TEC: variants seen among roughly 807,000 people sequenced by gnomAD.
The protein encoded by TEC is tec protein tyrosine kinase.
A neutral mutation model predicts 93.0 loss-of-function variants in TEC; 72 were observed. That is an observed-to-expected ratio of 0.77 (90% confidence interval 0.64 to 0.94). TEC has a LOEUF of 0.94. TEC is among the 40% of genes least tolerant of loss of function. The probability of loss-of-function intolerance (pLI) is 0.00; values close to 1 mark genes in which losing one functional copy is unlikely to be tolerated. For missense variants in TEC, 630 were observed against 757.9 expected (o/e 0.83, Z 1.98); for synonymous variants, 249 against 247.7 (o/e 1.01, Z -0.05).
intron 2 of TEC, among the ~76,000 whole-genome samples, chr4:48,176,459 C>A (rs2661544): frequency 0.8 from 122,311 of 152,120 alleles, 49,252 homozygotes; most frequent in East Asian, 0.92. Context: ...CGTGGCTCAT[C>A]CCTGTAATCC....
chr4:48,235,224 C>A (rs1166448985), intron 1 of TEC, among the ~76,000 whole-genome samples: 2 of 152,220 alleles, frequency 1.3e-5, no homozygotes, highest in Non-Finnish European at 2.9e-5. Context: ...TGGGGATCTA[C>A]CTGCTCCCTT....
chr4:48,201,700 A>G (rs1294549730), intron 2 of TEC, among the ~76,000 whole-genome samples: 1 of 152,206 alleles, frequency 6.6e-6, no homozygotes, highest in Non-Finnish European at 1.5e-5. Flanking sequence ...GACAGCCAGA[A>G]GGAGGCTAAG....
intron 2 of TEC, among the ~76,000 whole-genome samples, chr4:48,201,115 G>A (rs548331793): frequency 2.0e-4 from 31 of 152,274 alleles, no homozygotes; most frequent in African/African-American, 7.5e-4. Context: ...GCAGGACTGA[G>A]ATATATTTAG....
chr4:48,209,372 G>T (rs1722818250), intron 2 of TEC, among the ~76,000 whole-genome samples: 1 of 152,140 alleles, frequency 6.6e-6, no homozygotes, highest in South Asian at 2.1e-4. Flanking sequence ...GGAGGCTGAG[G>T]TGGGAGGACT....
chr4:48,212,151 A>G (rs74369315), intron 2 of TEC, among the ~76,000 whole-genome samples: 66 of 150,070 alleles, frequency 4.4e-4, no homozygotes, highest in African/African-American at 1.6e-3. Flanking sequence ...AAGCATTCAC[A>G]GAAATATTTT....
intron 1 of TEC, among the ~76,000 whole-genome samples, chr4:48,246,586 C>T (rs1724063912): frequency 6.6e-6 from 1 of 151,844 alleles, no homozygotes; most frequent in Admixed American, 6.6e-5. Flanking sequence ...ATCAACAATA[C>T]AGAATTAAGG....
chr4:48,211,957 G>A (rs1198428458), intron 2 of TEC, among the ~76,000 whole-genome samples: 1 of 151,584 alleles, frequency 6.6e-6, no homozygotes, highest in African/African-American at 2.4e-5. Context: ...AACTTAGCCA[G>A]GCGTGGTGGC....
At chr4:48,172,121 T>TA (rs1721137968) in intron 3 of TEC, among the ~76,000 whole-genome samples, 5 of 152,332 alleles carry the variant, frequency 3.3e-5, no homozygotes, top group Admixed American at 3.3e-4. Flanking sequence ...CCCAGCCTCT[T>TA]AATCACAGTG....
chr4:48,229,465 C>T (rs1263754398), intron 1 of TEC, among the ~76,000 whole-genome samples: 12 of 152,252 alleles, frequency 7.9e-5, no homozygotes, highest in Admixed American at 7.8e-4. Context: ...ACAACAGCCT[C>T]TCCTTCTCTT....
intron 2 of TEC, among the ~76,000 whole-genome samples, chr4:48,193,143 T>G (rs949958549): frequency 2.8e-5 from 4 of 144,460 alleles, no homozygotes; most frequent in Non-Finnish European, 6.0e-5. Flanking sequence ...CCACCACTTT[T>G]TCTTTTCCTT....
At chr4:48,214,021 C>T (rs887484700) in intron 2 of TEC, among the ~76,000 whole-genome samples, 12 of 152,126 alleles carry the variant, frequency 7.9e-5, no homozygotes, top group African/African-American at 2.9e-4. Context: ...TGGGGAGTAA[C>T]TCTCACAATG....
intron 2 of TEC, among the ~76,000 whole-genome samples, chr4:48,181,682 A>AG (rs1478173074): frequency 8.6e-6 from 1 of 115,920 alleles, no homozygotes; most frequent in East Asian, 2.1e-4. Flanking sequence ...CAAAAAAAAA[A>AG]AAAAAGAAAA....
intron 2 of TEC, among the ~76,000 whole-genome samples, chr4:48,182,284 C>CAAA (rs34844220): frequency 1.2e-4 from 17 of 140,954 alleles, no homozygotes; most frequent in Non-Finnish European, 1.7e-4. Flanking sequence ...GACTCCATCT[C>CAAA]AAAAAAAAAA....
At chr4:48,198,539 C>A (rs966780018) in intron 2 of TEC, among the ~76,000 whole-genome samples, 4 of 152,214 alleles carry the variant, frequency 2.6e-5, no homozygotes, top group African/African-American at 9.6e-5. Flanking sequence ...CATATCTTTA[C>A]AATTTACCAA....
chr4:48,140,604 G>A (rs1719618459), intron 15 of TEC, among the ~76,000 whole-genome samples: 1 of 152,248 alleles, frequency 6.6e-6, no homozygotes. Flanking sequence ...TGCATCTGTA[G>A]CAGGAAAGCA....
chr4:48,217,726 C>T (rs1393611749), intron 2 of TEC, among the ~76,000 whole-genome samples: 1 of 152,094 alleles, frequency 6.6e-6, no homozygotes, highest in Non-Finnish European at 1.5e-5. Flanking sequence ...GGATTAGATC[C>T]TGGACTTGGG....
At chr4:48,243,838 G>A (rs1723982520) in intron 1 of TEC, among the ~76,000 whole-genome samples, 1 of 151,972 alleles carries the variant, frequency 6.6e-6, no homozygotes, top group Admixed American at 6.6e-5. Flanking sequence ...TCTGGTGGGG[G>A]AATAGAATTA....
At chr4:48,170,472 C>T in intron 4 of TEC, 96 bp from the exon 5 acceptor site, 2 of 879,222 alleles carry the variant, frequency 2.3e-6, no homozygotes, top group Admixed American at 2.8e-5. Flanking sequence ...ATTTCTTGGA[C>T]ACTATGTTTA....
rs558510072 is a variant in TEC at position 48,170,840 on chromosome 4, C to T, written c.326-464G>A. Among the ~76,000 whole-genome samples, 9 of 152,246 alleles carry T rather than the reference C, an allele frequency of 5.9e-5. No individual in the cohort carries two copies. In the East Asian group the frequency reaches 1.2e-3, roughly 20 times the overall value. ...CCGAGGTGGGCAGATCACCTGAGGTCGGGAGTTCAAGGCCAGCCTGGCCAA... is the reference window on the plus strand; with the variant it reads ...CCGAGGTGGGCAGATCACCTGAGGTTGGGAGTTCAAGGCCAGCCTGGCCAA... On this transcript the variant is annotated intron_variant, in intron 4 of 17. Transcript: ENST00000381501.
Sources: allele counts gnomAD v4.1 joint callset (sites outside exome capture counted in the v4.1 genomes callset), GRCh38; gene constraint gnomAD v4.1.1; transcripts MANE v1.5; gene names NCBI Gene and HGNC (gene_info 2026-07-23, HGNC 2026-07-21).